The following LTAP1 variants were observed in gnomAD, a reference collection of about 807,000 sequenced individuals.
The protein encoded by LTAP1 is HCV NS5A-transactivated protein 4.
the LTAP1 span, chr1:154,208,574 A>G: frequency 2.0e-5 from 3 of 152,150 alleles, no homozygotes; most frequent in Non-Finnish European, 4.4e-5. Context: ...AGGTATCCCC[A>G]ATATAGGTAT....
At chr1:154,207,305 A>G in the LTAP1 span, 1 of 701,842 alleles carries the variant, frequency 1.4e-6, no homozygotes. Flanking sequence ...TTTAGACACA[A>G]GCTCTAAGAA....
At chr1:154,220,115 G>C in the LTAP1 span, 20 of 711,842 alleles carry the variant, frequency 2.8e-5, no homozygotes, top group Non-Finnish European at 4.2e-5. Context: ...GCCAGCAGCA[G>C]GGAGGCGTGG....
chr1:154,209,811 C>T, the LTAP1 span, among the ~76,000 whole-genome samples: 8 of 151,824 alleles, frequency 5.3e-5, no homozygotes, highest in East Asian at 5.8e-4. Context: ...AGGATGTTCC[C>T]GCTCTCCTGA....
At chr1:154,217,652 C>T in the LTAP1 span, among the ~76,000 whole-genome samples, 3 of 152,038 alleles carry the variant, frequency 2.0e-5, no homozygotes, top group Non-Finnish European at 2.9e-5. Flanking sequence ...CCTACCTCAG[C>T]GTCCCGAGTA....
At chr1:154,208,361 C>A in the LTAP1 span, 1 of 152,920 alleles carries the variant, frequency 6.5e-6, no homozygotes, top group Non-Finnish European at 1.5e-5. Flanking sequence ...TGCCACTGCA[C>A]TCCAGTCTGG....
the LTAP1 span, chr1:154,212,748 AC>A: frequency 1.5e-5 from 15 of 1,028,756 alleles, no homozygotes; most frequent in Non-Finnish European, 1.9e-5. Context: ...TGCAACCTCC[AC>A]CTCCTAGGTT....
chr1:154,218,317 C>T, the LTAP1 span, among the ~76,000 whole-genome samples: 1 of 152,198 alleles, frequency 6.6e-6, no homozygotes, highest in Admixed American at 6.5e-5. Flanking sequence ...TTTATACTTT[C>T]ACTAGCAATG....
At chr1:154,219,796 A>G in the LTAP1 span, 1 of 1,412,338 alleles carries the variant, frequency 7.1e-7, no homozygotes, top group Non-Finnish European at 9.8e-7. Flanking sequence ...ACCCTAAAAG[A>G]TCTGGAGAAG....
At chr1:154,208,060 T>G in the LTAP1 span, among the ~76,000 whole-genome samples, 1 of 151,360 alleles carries the variant, frequency 6.6e-6, no homozygotes, top group South Asian at 2.1e-4. Context: ...ATTGCGCCAC[T>G]GCACTTCAGC....
the LTAP1 span, among the ~76,000 whole-genome samples, chr1:154,218,208 ATT>A: frequency 6.6e-6 from 1 of 152,220 alleles, no homozygotes; most frequent in Non-Finnish European, 1.5e-5. Flanking sequence ...GCAAAACTTA[ATT>A]TCTCTATGGT....
At chr1:154,218,005 C>A in the LTAP1 span, among the ~76,000 whole-genome samples, 4 of 152,326 alleles carry the variant, frequency 2.6e-5, no homozygotes, top group African/African-American at 9.6e-5. Context: ...TCATAGCTCA[C>A]TGCAGTCTGT....
the LTAP1 span, chr1:154,206,933 T>A: frequency 1.9e-5 from 3 of 157,188 alleles, no homozygotes; most frequent in Middle Eastern, 3.4e-3. Context: ...CTGGTTTAAG[T>A]GGAGCACAAA....
At chr1:154,211,360 T>TG in the LTAP1 span, among the ~76,000 whole-genome samples, 2 of 106,702 alleles carry the variant, frequency 1.9e-5, no homozygotes, top group Admixed American at 1.2e-4. Context: ...TTTTTTGAGA[T>TG]GGAGTCTTGC....
At chr1:154,207,343 A>C in the LTAP1 span, 1 of 987,622 alleles carries the variant, frequency 1.0e-6, no homozygotes. Flanking sequence ...ACTTGGATGG[A>C]TACAGTCTGG....
chr1:154,207,789 A>T, the LTAP1 span: 15 of 707,756 alleles, frequency 2.1e-5, no homozygotes, highest in Non-Finnish European at 3.5e-5. Context: ...TAGTTACTAA[A>T]ACCCCATCTA....
the LTAP1 span, among the ~76,000 whole-genome samples, chr1:154,214,739 G>A: frequency 5.3e-5 from 8 of 152,146 alleles, no homozygotes; most frequent in Non-Finnish European, 8.8e-5. Flanking sequence ...AGGAAAGAAC[G>A]GGATTGGGTT....
the LTAP1 span, among the ~76,000 whole-genome samples, chr1:154,214,844 ATTT>A: frequency 6.4e-5 from 9 of 140,332 alleles, no homozygotes; most frequent in Admixed American, 2.2e-4. Flanking sequence ...ATTATTTCCA[ATTT>A]TTTTTTTTTT....
chr1:154,212,653 C>T, the LTAP1 span: 14 of 1,611,948 alleles, frequency 8.7e-6, no homozygotes, highest in Non-Finnish European at 1.2e-5. Flanking sequence ...AATGATATCT[C>T]TTCTCATTCT....
At chr1:154,216,762 T>C in the LTAP1 span, among the ~76,000 whole-genome samples, 1 of 151,884 alleles carries the variant, frequency 6.6e-6, no homozygotes, top group South Asian at 2.1e-4. Context: ...GATCTTCTCA[T>C]GTGGGCCTCC....
Sources: gnomAD v4.1 joint callset for allele counts (sites outside exome capture counted in the v4.1 genomes callset) on GRCh38, gnomAD v4.1.1 for gene constraint, MANE v1.5 for transcripts, NCBI Gene and HGNC (gene_info 2026-07-23, HGNC 2026-07-21) for gene names.